The following ASTN2 variants were observed in gnomAD, a reference collection of about 807,000 sequenced individuals.
ASTN2 encodes astrotactin 2, also known as astrotactin-2.
In ASTN2, 54 loss-of-function variants were observed where a neutral mutation model predicts 139.8. The ratio of observed to expected loss-of-function variants is 0.39; its 90% confidence interval spans 0.31 to 0.48. ASTN2 has a LOEUF of 0.48. Among genes scored for constraint, ASTN2 ranks in the 20% least tolerant of loss-of-function variants. The pLI is 0.95. For missense variants in ASTN2, 1,565 were observed against 1,725.1 expected (o/e 0.91, Z 1.64); for synonymous variants, 756 against 719.5 (o/e 1.05, Z -0.81).
chr9:116,792,001 A>C (rs1180115369), intron 13 of ASTN2, among the ~76,000 whole-genome samples: 2 of 152,212 alleles, frequency 1.3e-5, no homozygotes, highest in Admixed American at 6.5e-5. Context: ...TACTCTGTAT[A>C]ATTTGTTTTC....
chr9:116,514,117 C>T (rs1193391387), intron 19 of ASTN2, among the ~76,000 whole-genome samples: 1 of 151,640 alleles, frequency 6.6e-6, no homozygotes, highest in Non-Finnish European at 1.5e-5. Context: ...TGTTTTTTTC[C>T]CCATCTTTGT....
intron 4 of ASTN2, among the ~76,000 whole-genome samples, chr9:117,137,390 G>A (rs1829977950): frequency 6.6e-6 from 1 of 152,160 alleles, no homozygotes; most frequent in Non-Finnish European, 1.5e-5. Context: ...TCCCAATCTG[G>A]ACCAGGCAGC....
At chr9:116,774,110 G>A (rs1007060636) in intron 13 of ASTN2, among the ~76,000 whole-genome samples, 2 of 152,162 alleles carry the variant, frequency 1.3e-5, no homozygotes, top group Non-Finnish European at 2.9e-5. Flanking sequence ...AACTGACATT[G>A]CATGCAGCAG....
At chr9:117,405,854 A>G (rs1830968529) in intron 1 of ASTN2, among the ~76,000 whole-genome samples, 1 of 152,210 alleles carries the variant, frequency 6.6e-6, no homozygotes, top group Non-Finnish European at 1.5e-5. Flanking sequence ...TCCAAACACA[A>G]TGATCTTTCC....
chr9:116,790,974 A>AGAAAGAAAGAAAGAAAGAAAAGAAAGAAG (rs1830523863), intron 13 of ASTN2, among the ~76,000 whole-genome samples: 1 of 46,564 alleles, frequency 2.1e-5, no homozygotes, highest in African/African-American at 8.9e-5. Flanking sequence ...AAGGAAAGAA[A>AGAAAGAAAGAAAGAAAGAAAAGAAAGAAG]GAAAGAAAGA....
Position 117,083,541 on chromosome 9 carries a change from T to A in ASTN2, c.1276+12503A>T, listed in dbSNP as rs140127605. Among the ~76,000 whole-genome samples the A allele has an allele frequency of 4.4e-3, 665 of 152,244 alleles. 6 individuals carry two copies. The highest frequency in any genetic ancestry group is 0.015 in the African/African-American group (634 of 41,550). On this transcript the variant is annotated intron_variant, in intron 5 of 22. Transcript: ENST00000313400. ...CATGACCAGTGGCATGGTCTGTTTA[T>A]CTGGAAAAGAGTTTTTCAGGGGTAA...
intron 22 of ASTN2, among the ~76,000 whole-genome samples, chr9:116,429,768 T>G (rs1367240382): frequency 6.6e-6 from 1 of 152,084 alleles, no homozygotes; most frequent in Non-Finnish European, 1.5e-5. Context: ...ATATTAACAT[T>G]CTCTAATTCG....
chr9:116,686,997 ACCGTT>A, intron 16 of ASTN2: 2 of 1,419,094 alleles, frequency 1.4e-6, no homozygotes, highest in Admixed American at 5.5e-5. Context: ...CCTGGAGGCT[ACCGTT>A]TTGTGAAGGG....
At chr9:116,760,617 C>G (rs546939521) in intron 13 of ASTN2, among the ~76,000 whole-genome samples, 1 of 152,116 alleles carries the variant, frequency 6.6e-6, no homozygotes, top group Non-Finnish European at 1.5e-5. Flanking sequence ...TGTGTGCAGG[C>G]TGGGCCTCTG....
chr9:117,355,139 C>T (rs1297065348), intron 1 of ASTN2, among the ~76,000 whole-genome samples: 1 of 152,092 alleles, frequency 6.6e-6, no homozygotes, highest in Non-Finnish European at 1.5e-5. Flanking sequence ...TGTGAAATGA[C>T]TGTATTTCAT....
chr9:117,319,613 T>C (rs1262883236), intron 1 of ASTN2, among the ~76,000 whole-genome samples: 1 of 150,400 alleles, frequency 6.6e-6, no homozygotes, highest in Non-Finnish European at 1.5e-5. Flanking sequence ...TTTTTTTTAA[T>C]GTAGAGATTG....
intron 16 of ASTN2, among the ~76,000 whole-genome samples, chr9:116,707,285 CAAAAAAAAAA>C (rs766053427): frequency 4.8e-4 from 29 of 60,628 alleles, no homozygotes; most frequent in South Asian, 2.6e-3. Flanking sequence ...GCCCCCTGAC[CAAAAAAAAAA>C]AAAAAAAAAA....
At chr9:117,250,013 C>T (rs1833493504) in intron 2 of ASTN2, among the ~76,000 whole-genome samples, 1 of 152,224 alleles carries the variant, frequency 6.6e-6, no homozygotes, top group Admixed American at 6.5e-5. Flanking sequence ...ATCAGCTTCA[C>T]CTGATGTGGC....
At chr9:117,070,772 G>T (rs1334933919) in intron 5 of ASTN2, among the ~76,000 whole-genome samples, 1 of 151,390 alleles carries the variant, frequency 6.6e-6, no homozygotes, top group Non-Finnish European at 1.5e-5. Flanking sequence ...ATCTTCCATT[G>T]CTGACACCCT....
chr9:116,944,284 A>T (rs1306460704), intron 10 of ASTN2, among the ~76,000 whole-genome samples: 1 of 152,140 alleles, frequency 6.6e-6, no homozygotes, highest in Non-Finnish European at 1.5e-5. Flanking sequence ...TACACAAATC[A>T]GAGGTAGAAA....
chr9:116,970,768 G>A (rs917366061), intron 10 of ASTN2, among the ~76,000 whole-genome samples: 17 of 152,162 alleles, frequency 1.1e-4, no homozygotes, highest in African/African-American at 1.4e-4. Context: ...TTCTTTCAGC[G>A]TTGTTCAGGA....
intron 2 of ASTN2, among the ~76,000 whole-genome samples, chr9:117,218,346 T>C (rs1283775302): frequency 6.6e-6 from 1 of 152,232 alleles, no homozygotes; most frequent in East Asian, 1.9e-4. Context: ...CAGCCTGCCC[T>C]GAACTCAGCT....
At chr9:116,909,372 G>C (rs1293839350) in intron 10 of ASTN2, among the ~76,000 whole-genome samples, 2 of 152,182 alleles carry the variant, frequency 1.3e-5, no homozygotes, top group Non-Finnish European at 2.9e-5. Flanking sequence ...ATATGCTGAT[G>C]GTTTGACTAT....
At chr9:116,801,363 G>A (rs528101669) in intron 13 of ASTN2, among the ~76,000 whole-genome samples, 68 of 151,794 alleles carry the variant, frequency 4.5e-4, no homozygotes, top group African/African-American at 1.4e-3. Flanking sequence ...GGGGTGGATC[G>A]CGAGGTCAGG....
Sources: gnomAD v4.1 joint callset for allele counts (sites outside exome capture counted in the v4.1 genomes callset) on GRCh38, gnomAD v4.1.1 for gene constraint, MANE v1.5 for transcripts, NCBI Gene and HGNC (gene_info 2026-07-23, HGNC 2026-07-21) for gene names.